The following NR3C2 variants were observed in gnomAD, a reference collection of about 807,000 sequenced individuals.
NR3C2 encodes the protein nuclear receptor subfamily 3 group C member 2.
In NR3C2, 15 loss-of-function variants were observed where a neutral mutation model predicts 86.4. The observed-to-expected ratio is 0.17, with a 90% CI of 0.12 to 0.27. The LOEUF (loss-of-function observed/expected upper bound fraction) is 0.27, where lower values mean the gene tolerates loss of function less well. NR3C2 is among the 10% of genes least tolerant of loss of function. The probability of loss-of-function intolerance (pLI) is 1.00; values close to 1 mark genes in which losing one functional copy is unlikely to be tolerated. For missense variants in NR3C2, 960 were observed against 1,195.6 expected (o/e 0.80, Z 2.91); for synonymous variants, 458 against 450.5 (o/e 1.02, Z -0.21).
chr4:148,378,792 G>C (rs1317914110), intron 2 of NR3C2, among the ~76,000 whole-genome samples: 1 of 152,082 alleles, frequency 6.6e-6, no homozygotes, highest in African/African-American at 2.4e-5. Context: ...CCTAGTCTCA[G>C]GCATTTCTTT....
chr4:148,174,483 G>A (rs1397446499), intron 4 of NR3C2, among the ~76,000 whole-genome samples: 1 of 152,148 alleles, frequency 6.6e-6, no homozygotes, highest in Non-Finnish European at 1.5e-5. Flanking sequence ...TCTACTTGGG[G>A]GCCTGAAGAC....
rs541382445 is a variant in NR3C2, at chr4:148,404,182, A to T, written c.1757+30922T>A. Among the ~76,000 whole-genome samples the T allele has an allele frequency of 3.9e-5, 6 of 152,246 alleles. No homozygotes were observed. The South Asian group carries it at 1.0e-3, about 26-fold the overall frequency. ...TTGGCTTCATTTCATTTCATAGATC[A>T]GGCTTAAGGCCTGGCACACCTGCAT... is the stretch of plus-strand genomic sequence containing the variant. On this transcript the variant is annotated intron_variant, in intron 2 of 8. Transcript: ENST00000358102.
intron 2 of NR3C2, among the ~76,000 whole-genome samples, chr4:148,265,002 G>GA (rs1429673220): frequency 6.6e-6 from 1 of 152,008 alleles, no homozygotes; most frequent in Non-Finnish European, 1.5e-5. Flanking sequence ...TGAAGAGTTA[G>GA]AAAAAACTAC....
intron 2 of NR3C2, among the ~76,000 whole-genome samples, chr4:148,361,041 G>A: frequency 6.6e-6 from 1 of 152,060 alleles, no homozygotes; most frequent in East Asian, 1.9e-4. Context: ...CTACTAGATT[G>A]TAAGCTCCAG....
intron 8 of NR3C2, among the ~76,000 whole-genome samples, chr4:148,084,564 AC>A (rs985212062): frequency 2.0e-5 from 3 of 152,214 alleles, no homozygotes; most frequent in Non-Finnish European, 4.4e-5. Flanking sequence ...GCAAAAACAT[AC>A]CAAATTGTAA....
chr4:148,307,850 A>AAAAAC (rs530872177), intron 2 of NR3C2, among the ~76,000 whole-genome samples: 6 of 151,854 alleles, frequency 4.0e-5, no homozygotes. Context: ...CATCATTAAA[A>AAAAAC]AAAACAAAAC....
intron 2 of NR3C2, among the ~76,000 whole-genome samples, chr4:148,336,429 A>G (rs915105144): frequency 2.6e-5 from 4 of 152,188 alleles, no homozygotes; most frequent in South Asian, 4.1e-4. Context: ...AAAGTGCCCA[A>G]TGTGTTCAGC....
At chr4:148,291,640 G>A (rs966001413) in intron 2 of NR3C2, among the ~76,000 whole-genome samples, 1 of 152,024 alleles carries the variant, frequency 6.6e-6, no homozygotes, top group Non-Finnish European at 1.5e-5. Context: ...TATAATTGAT[G>A]TCTGATTACT....
chr4:148,389,640 G>A (rs1318777574), intron 2 of NR3C2, among the ~76,000 whole-genome samples: 1 of 152,020 alleles, frequency 6.6e-6, no homozygotes, highest in East Asian at 1.9e-4. Context: ...AGTTTAATAA[G>A]AGAATCTGTG....
intron 4 of NR3C2, among the ~76,000 whole-genome samples, chr4:148,174,775 C>T (rs745641217): frequency 9.2e-5 from 14 of 152,282 alleles, no homozygotes; most frequent in South Asian, 4.2e-4. Flanking sequence ...TTCTCCTCCT[C>T]GGTTTTCATC....
At chr4:148,285,843 G>T (rs55838200) in intron 2 of NR3C2, among the ~76,000 whole-genome samples, 1 of 152,148 alleles carries the variant, frequency 6.6e-6, no homozygotes, top group Non-Finnish European at 1.5e-5. Flanking sequence ...TAAAAAGTGC[G>T]ATGCTTTCTT....
intron 3 of NR3C2, among the ~76,000 whole-genome samples, chr4:148,242,562 T>A (rs190763641): frequency 6.6e-6 from 1 of 152,310 alleles, no homozygotes; most frequent in African/African-American, 2.4e-5. Flanking sequence ...ACTGGACAAG[T>A]AAAGCAACAT....
intron 2 of NR3C2, among the ~76,000 whole-genome samples, chr4:148,367,765 G>T (rs1406489601): frequency 3.3e-5 from 5 of 149,934 alleles, no homozygotes; most frequent in African/African-American, 1.2e-4. Flanking sequence ...GGGGGAACTA[G>T]AACAGTCTTT....
intron 3 of NR3C2, among the ~76,000 whole-genome samples, chr4:148,216,130 ATGAG>A (rs1445867099): frequency 1.3e-5 from 2 of 152,146 alleles, no homozygotes; most frequent in Non-Finnish European, 2.9e-5. Context: ...ATATAAATGA[ATGAG>A]TATGGCTCTG....
intron 2 of NR3C2, among the ~76,000 whole-genome samples, chr4:148,393,998 C>T (rs1747726967): frequency 6.6e-6 from 1 of 152,192 alleles, no homozygotes; most frequent in South Asian, 2.1e-4. Context: ...GAGACTGGGC[C>T]TCAAAGGGCA....
At chr4:148,182,341 T>A (rs1378132369) in intron 4 of NR3C2, among the ~76,000 whole-genome samples, 1 of 152,014 alleles carries the variant, frequency 6.6e-6, no homozygotes, top group Non-Finnish European at 1.5e-5. Flanking sequence ...TCGAAATAAA[T>A]CATAAAAGAA....
intron 8 of NR3C2, among the ~76,000 whole-genome samples, chr4:148,103,521 C>T (rs1184459068): frequency 6.6e-6 from 1 of 152,236 alleles, no homozygotes; most frequent in Non-Finnish European, 1.5e-5. Flanking sequence ...AGAAGGGTAA[C>T]TGACAGAGAT....
intron 2 of NR3C2, among the ~76,000 whole-genome samples, chr4:148,413,535 A>T (rs566852338): frequency 8.5e-5 from 13 of 152,080 alleles, no homozygotes; most frequent in Middle Eastern, 6.8e-3. Flanking sequence ...AGAACATTAT[A>T]ACAAAGTTAA....
At chr4:148,115,588 T>C (rs1732238910) in intron 7 of NR3C2, among the ~76,000 whole-genome samples, 1 of 152,210 alleles carries the variant, frequency 6.6e-6, no homozygotes, top group African/African-American at 2.4e-5. Context: ...GAGATGGTGC[T>C]GAGTATTGTG....
Sources: gnomAD v4.1 joint callset for allele counts (sites outside exome capture counted in the v4.1 genomes callset) on GRCh38, gnomAD v4.1.1 for gene constraint, MANE v1.5 for transcripts, NCBI Gene and HGNC (gene_info 2026-07-23, HGNC 2026-07-21) for gene names.